CACNA1C: variants seen among roughly 807,000 people sequenced by gnomAD.
CACNA1C encodes the protein voltage-dependent L-type calcium channel subunit alpha-1C.
In CACNA1C, 30 loss-of-function variants were observed where a neutral mutation model predicts 229.0. The observed-to-expected ratio is 0.13, with a 90% CI of 0.10 to 0.18. CACNA1C has a LOEUF of 0.18. Among genes scored for constraint, CACNA1C ranks in the 10% least tolerant of loss-of-function variants. CACNA1C has a pLI of 1.00. For missense variants in CACNA1C, 1,658 were observed against 2,845.0 expected, an observed-to-expected ratio of 0.58 and a Z score of 9.49; for synonymous variants, 1,114 against 1,132.5, an observed-to-expected ratio of 0.98 and a Z score of 0.33.
At chr12:2,636,855 C>T (rs753005233) in intron 30 of CACNA1C, among the ~76,000 whole-genome samples, 2 of 152,188 alleles carry the variant, frequency 1.3e-5, no homozygotes, top group African/African-American at 2.4e-5. Flanking sequence ...CTGAGAGTTC[C>T]GCTGCCCCTG....
At position 2,608,844 on chromosome 12, in the gene CACNA1C, A is replaced by G; in HGVS notation, c.3558+132A>G. 1.2e-6 allele frequency: 1 copy of G among 850,952 alleles called. No individual in the cohort carries two copies. Among genetic ancestry groups the G allele is most frequent in the Non-Finnish European group, 1.8e-6 (1 of 549,930 alleles). The allele number at this position is 850,952 out of a possible 1,614,324, so 52.7% of individuals were successfully genotyped here. ...GAGATCGTCTCTCTATTCCTCAACC[A>G]GAGTGGGCTGTCAGTCTTTTTGAGG... On this transcript the variant is annotated intron_variant, in intron 27 of 46. Transcript: ENST00000399655. This position sits in a 1 kb window ranked among gnomAD's most constrained non-coding sequence, Gnocchi z 4.2.
chr12:2,661,280 TACACACAC>T (rs1210712672), intron 34 of CACNA1C, among the ~76,000 whole-genome samples: 2 of 123,416 alleles, frequency 1.6e-5, no homozygotes, highest in African/African-American at 6.4e-5. Context: ...TACACACACA[TACACACAC>T]ACACACACAC....
chr12:2,058,192 AG>A (rs149699112), intron 1 of CACNA1C, among the ~76,000 whole-genome samples: 6,640 of 152,258 alleles, frequency 0.044, 245 homozygotes, highest in African/African-American at 0.098. Context: ...TGTGCTAAGA[AG>A]GGGTGAGTGG....
At chr12:2,095,625 T>C (rs2073573892) in intron 1 of CACNA1C, among the ~76,000 whole-genome samples, 2 of 152,124 alleles carry the variant, frequency 1.3e-5, no homozygotes, top group Admixed American at 1.3e-4. Flanking sequence ...TCAAGGACCC[T>C]GGAGGAGAAG....
At chr12:2,089,645 AAC>A (rs1005139625) in intron 1 of CACNA1C, among the ~76,000 whole-genome samples, 16 of 152,342 alleles carry the variant, frequency 1.1e-4, no homozygotes, top group African/African-American at 3.8e-4. Flanking sequence ...AAAAGTACGT[AAC>A]ACAGTTTTCA....
At chr12:2,072,105 T>A (rs2061548407) in intron 1 of CACNA1C, among the ~76,000 whole-genome samples, 1 of 152,066 alleles carries the variant, frequency 6.6e-6, no homozygotes, top group East Asian at 1.9e-4. Context: ...TAATTCTCTC[T>A]TGAATCAGAC....
intron 3 of CACNA1C, among the ~76,000 whole-genome samples, chr12:2,369,749 T>G (rs944339421): frequency 6.6e-6 from 1 of 152,124 alleles, no homozygotes; most frequent in Non-Finnish European, 1.5e-5. Flanking sequence ...TACAGGTGGA[T>G]TCAAATAGTT....
Position 2,067,921 on chromosome 12 carries a change from G to A in CACNA1C, c.49+14310G>A, listed in dbSNP as rs558926857. 1.2e-4 allele frequency among the ~76,000 whole-genome samples: 19 copies of A among 152,206 alleles called. No individual in the cohort carries two copies. The East Asian group carries it at 1.5e-3, about 12-fold the overall frequency. ...TATGATATTGGCTCTCTGGAGAACCGGTTAGCCTTTGTGGAGTGTTAAGCC... is the reference window on the plus strand; with the variant it reads ...TATGATATTGGCTCTCTGGAGAACCAGTTAGCCTTTGTGGAGTGTTAAGCC... On this transcript the variant is annotated intron_variant, in intron 1 of 46. Transcript: ENST00000399655. The surrounding 1 kb of genome is among the most constrained non-coding windows in gnomAD (Gnocchi z 5.3).
intron 18 of CACNA1C, among the ~76,000 whole-genome samples, chr12:2,592,231 AGTCT>A (rs2065722911): frequency 1.3e-5 from 2 of 152,200 alleles, no homozygotes; most frequent in Non-Finnish European, 2.9e-5. Context: ...ACAGGCTTCG[AGTCT>A]GTCCCATAGG....
At chr12:2,557,386 C>T (rs1272055114) in intron 11 of CACNA1C, among the ~76,000 whole-genome samples, 3 of 152,164 alleles carry the variant, frequency 2.0e-5, no homozygotes, top group South Asian at 2.1e-4. Flanking sequence ...TTATGACACC[C>T]GTCTGTGTCA....
chr12:2,244,314 G>A (rs898919366), intron 3 of CACNA1C, among the ~76,000 whole-genome samples: 2 of 152,208 alleles, frequency 1.3e-5, no homozygotes, highest in Non-Finnish European at 2.9e-5. Context: ...CCAGGAATGC[G>A]GTGTTGACTC....
intron 3 of CACNA1C, among the ~76,000 whole-genome samples, chr12:2,429,765 G>A (rs2099065326): frequency 6.6e-6 from 1 of 152,124 alleles, no homozygotes; most frequent in Non-Finnish European, 1.5e-5. Context: ...CAAGTACTTC[G>A]TGATATTCTA....
chr12:2,587,782 C>T (rs532314473), intron 18 of CACNA1C, among the ~76,000 whole-genome samples: 1 of 152,224 alleles, frequency 6.6e-6, no homozygotes, highest in East Asian at 1.9e-4. Flanking sequence ...ACGGCCCGCT[C>T]CCCGTCATTT....
chr12:2,063,397 G>A (rs190960465), intron 1 of CACNA1C, among the ~76,000 whole-genome samples: 2 of 152,160 alleles, frequency 1.3e-5, no homozygotes, highest in East Asian at 1.9e-4. Context: ...TGATCCACCC[G>A]CTTGGCCTCC....
intron 3 of CACNA1C, among the ~76,000 whole-genome samples, chr12:2,318,842 A>G (rs2095825237): frequency 6.6e-6 from 1 of 151,252 alleles, no homozygotes. Flanking sequence ...AGGAGCGGGC[A>G]GAGAGACAGG....
rs542490666 is a variant in CACNA1C at position 2,377,048 on chromosome 12, C to T, written c.478-71928C>T. Among the ~76,000 whole-genome samples, 3 of 152,224 alleles carry T rather than the reference C, an allele frequency of 2.0e-5. No individual in the cohort carries two copies. In the South Asian group the frequency reaches 6.2e-4, roughly 32 times the overall value. Reference sequence around the variant, plus strand: ...GGGGGTGGAGCCAGCATCTTGGCAGCCCCAGGGTAATAATTAGGGGAGGGG... The same window carrying T: ...GGGGGTGGAGCCAGCATCTTGGCAGTCCCAGGGTAATAATTAGGGGAGGGG... On this transcript the variant is annotated intron_variant, in intron 3 of 46. Coordinates refer to ENST00000399655, the MANE Select transcript of CACNA1C (RefSeq NM_000719.7).
chr12:2,673,742 T>C (rs1432141149), intron 38 of CACNA1C, among the ~76,000 whole-genome samples: 2 of 152,278 alleles, frequency 1.3e-5, no homozygotes, highest in African/African-American at 4.8e-5. Context: ...CTGTTTGCTT[T>C]CTTCCAGGCC....
chr12:2,145,515 G>A (rs957928857), intron 3 of CACNA1C, among the ~76,000 whole-genome samples: 4 of 151,222 alleles, frequency 2.6e-5, no homozygotes, highest in East Asian at 1.9e-4. Flanking sequence ...GCTTCAACAC[G>A]CCTCTCATTG....
At chr12:2,116,894 A>G (rs113991352) in intron 2 of CACNA1C, among the ~76,000 whole-genome samples, 1,957 of 152,318 alleles carry the variant, frequency 0.013, 51 homozygotes, top group African/African-American at 0.044. Context: ...GTTTCTATGG[A>G]AAGATTTAAA....
Sources: allele counts gnomAD v4.1 joint callset (sites outside exome capture counted in the v4.1 genomes callset), GRCh38; gene constraint gnomAD v4.1.1; non-coding constraint Gnocchi (gnomAD v3.1); transcripts MANE v1.5; gene names NCBI Gene and HGNC (gene_info 2026-07-23, HGNC 2026-07-21).